Variants in AMZ1 observed in about 807,000 individuals in gnomAD.
The protein encoded by AMZ1 is archaelysin family metallopeptidase 1.
In AMZ1, 39 loss-of-function variants were observed where a neutral mutation model predicts 29.9. The ratio of observed to expected loss-of-function variants is 1.30; its 90% confidence interval spans 1.01 to 1.70. The LOEUF (loss-of-function observed/expected upper bound fraction) is 1.70. Ranked by LOEUF, AMZ1 falls within the 40% of genes most tolerant of loss-of-function variation. AMZ1 has a pLI of 0.00. For missense variants in AMZ1, 1,041 were observed against 680.6 expected (o/e 1.53, Z -5.89); for synonymous variants, 458 against 304.0 (o/e 1.51, Z -5.27).
chr7:2,688,741 C>T (rs551527714), intron 1 of AMZ1, among the ~76,000 whole-genome samples: 1 of 152,198 alleles, frequency 6.6e-6, no homozygotes, highest in African/African-American at 2.4e-5. Context: ...AGAATCTCGT[C>T]GTGCCCAGGG....
chr7:2,737,640 G>C (rs894842623), intron 4 of AMZ1, among the ~76,000 whole-genome samples: 1 of 152,078 alleles, frequency 6.6e-6, no homozygotes, highest in Non-Finnish European at 1.5e-5. Flanking sequence ...TCCTAAAGCG[G>C]GGTCATTCAC....
At position 2,694,671 on chromosome 7, in the gene AMZ1, AT is replaced by A. The variant is rs1562359460; in HGVS notation, c.-218-5559del. Among the ~76,000 whole-genome samples the A allele has an allele frequency of 2.9e-5, 4 of 138,636 alleles. No homozygotes were observed. In the South Asian group the frequency reaches 9.4e-4, roughly 33 times the overall value. The allele number at this position is 138,636 out of a possible 152,430, so 91.0% of individuals were successfully genotyped here. ...TTAAAATCTCATATATATAATATATATTTTATTTATTTTTTTTTTGAGATGG... is the reference window on the plus strand; with the variant it reads ...TTAAAATCTCATATATATAATATATATTTATTTATTTTTTTTTTGAGATGG... On this transcript the variant is annotated intron_variant, in intron 1 of 6. Transcript: ENST00000683327.
At position 2,719,654 on chromosome 7, in the gene AMZ1, C is replaced by T. The variant is rs553607350; in HGVS notation, c.*6776C>T. 1.3e-5 allele frequency among the ~76,000 whole-genome samples: 2 copies of T among 151,500 alleles called. No homozygotes were observed. Among genetic ancestry groups the T allele is most frequent in the South Asian group, 2.1e-4 (1 of 4,808 alleles). On this transcript the variant is annotated 3_prime_UTR_variant, in exon 7 of 7. Transcript: ENST00000683327. ...AATGCTTACATCTTACATTTTCATT[C>T]TCAAAATTAATAAATGCTATCAACC...
chr7:2,709,542 AC>A, intron 5 of AMZ1, 97 bp from the exon 6 acceptor site: 3 of 1,499,560 alleles, frequency 2.0e-6, no homozygotes, highest in Non-Finnish European at 2.7e-6. Flanking sequence ...ATCTGGCCTC[AC>A]CCAGGTCCTC....
chr7:2,739,993 T>C (rs1230669106), intron 4 of AMZ1, among the ~76,000 whole-genome samples: 1 of 152,166 alleles, frequency 6.6e-6, no homozygotes, highest in Non-Finnish European at 1.5e-5. Context: ...AATTCTGTGC[T>C]TAATTTTCTG....
At chr7:2,683,640 G>A (rs1786966650), upstream of AMZ1, among the ~76,000 whole-genome samples, 2 of 151,952 alleles carry the variant, frequency 1.3e-5, no homozygotes, top group African/African-American at 4.8e-5. Context: ...GGGTTTCACC[G>A]TGTTAGCCAG....
upstream of AMZ1, among the ~76,000 whole-genome samples, chr7:2,686,485 G>A (rs1230849972): frequency 3.9e-5 from 6 of 152,088 alleles, no homozygotes; most frequent in Admixed American, 2.0e-4. Context: ...AGTGACTCGC[G>A]TTTATACCAG....
At chr7:2,738,951 C>G (rs1235997759) in intron 4 of AMZ1, among the ~76,000 whole-genome samples, 1 of 152,090 alleles carries the variant, frequency 6.6e-6, no homozygotes, top group Non-Finnish European at 1.5e-5. Flanking sequence ...CTGTGGACAC[C>G]TCGTCTCCAA....
In AMZ1 at chr7:2,712,680, C is replaced by G. The variant is rs142567005; in HGVS notation, c.1299C>G (p.Ala433=). 1 of 1,612,806 alleles carries G rather than the reference C, an allele frequency of 6.2e-7. No individual in the cohort carries two copies. Among genetic ancestry groups the G allele is most frequent in the Non-Finnish European group, 8.5e-7 (1 of 1,179,818 alleles). ...AEEDLVQVDR[A]VDALDRWEMF... is the part of the protein sequence containing the mutation. ...AGGACCTGGTGCAGGTGGACAGAGC[C>G]GTGGACGCCCTCGACCGCTGGGAGA... Residue 433 remains alanine (A), a synonymous_variant, in exon 7 of 7, where the codon GCC becomes GCG. Transcript: ENST00000683327.
chr7:2,738,736 C>A (rs1790340966), intron 4 of AMZ1, among the ~76,000 whole-genome samples: 1 of 152,132 alleles, frequency 6.6e-6, no homozygotes, highest in African/African-American at 2.4e-5. Flanking sequence ...AAAAAACCAA[C>A]CCCTCAAAAT....
At chr7:2,762,937 C>G, upstream of AMZ1, 1 of 1,390,174 alleles carries the variant, frequency 7.2e-7, no homozygotes, top group Non-Finnish European at 9.4e-7. Flanking sequence ...GCCCCAGACA[C>G]TCCCGTGGGG....
rs61742582 is a variant in AMZ1, at chr7:2,712,431, G to A, written c.1050G>A (p.Ser350=). 1.6e-3 allele frequency: 2,527 copies of A among 1,611,798 alleles called. 13 individuals carry two copies. The highest frequency in any genetic ancestry group is 0.015 in the African/African-American group (1,155 of 75,036). ...WEDTPPASAD[S]GMCCESDSEP... ...ACACCCCGCCTGCCAGCGCCGACTC[G>A]GGCATGTGCTGTGAGAGTGACTCGG... Residue 350 remains serine, a synonymous_variant, in exon 7 of 7, where the codon TCG becomes TCA. Transcript: ENST00000683327.
At chr7:2,763,724 T>C (rs756398555), upstream of AMZ1, among the ~76,000 whole-genome samples, 2 of 152,224 alleles carry the variant, frequency 1.3e-5, no homozygotes, top group Non-Finnish European at 2.9e-5. Flanking sequence ...AAGCTTCTTC[T>C]AAATGTGCCT....
intron 4 of AMZ1, among the ~76,000 whole-genome samples, chr7:2,759,140 AAAATAAAT>A (rs3074427): frequency 0.098 from 14,155 of 144,654 alleles, 830 homozygotes; most frequent in Middle Eastern, 0.15. Flanking sequence ...ACACTGTCTC[AAAATAAAT>A]AAATAAATAA....
upstream of AMZ1, among the ~76,000 whole-genome samples, chr7:2,686,386 T>C (rs1787079707): frequency 3.3e-5 from 5 of 152,136 alleles, no homozygotes; most frequent in South Asian, 1.0e-3. Context: ...GTTTCAAAAT[T>C]AGCCAGGTGT....
At chr7:2,723,738 G>A (rs754022515), downstream of AMZ1, among the ~76,000 whole-genome samples, 9 of 151,984 alleles carry the variant, frequency 5.9e-5, no homozygotes, top group South Asian at 2.1e-4. Flanking sequence ...GTCAGGCACC[G>A]CGGCTGTCCC....
At chr7:2,695,013 G>A (rs1054238205) in intron 1 of AMZ1, among the ~76,000 whole-genome samples, 3 of 152,124 alleles carry the variant, frequency 2.0e-5, no homozygotes, top group African/African-American at 7.2e-5. Context: ...GAACCCGTGC[G>A]TTCACCTGCC....
chr7:2,703,508 G>A (rs1788181596), intron 3 of AMZ1, among the ~76,000 whole-genome samples: 2 of 101,422 alleles, frequency 2.0e-5, no homozygotes, highest in East Asian at 2.1e-4. Context: ...TACTTTACAC[G>A]TGCCTAGATC....
In AMZ1 at chr7:2,712,819, G is replaced by A. The variant is rs1229212755; in HGVS notation, c.1438G>A (p.Ala480Thr). Residue 480 changes from alanine to threonine, a missense_variant, in exon 7 of 7, where the codon GCC becomes ACC. By Grantham distance (58) the Ala-to-Thr change is moderately conservative. Transcript: ENST00000683327. ...KFSSLRRKLSARKLARAESAP... is the reference protein window; with the variant it reads ...KFSSLRRKLSTRKLARAESAP... ...CTCCTCCCTGAGGAGGAAGCTGAGT[G>A]CCCGAAAACTCGCCAGAGCAGAGTC... The A allele has an allele frequency of 1.3e-6, 2 of 1,537,400 alleles. No homozygotes were observed. Among genetic ancestry groups the A allele is most frequent in the East Asian group, 4.5e-5 (2 of 44,116 alleles).
Sources: gnomAD v4.1 joint callset for allele counts (sites outside exome capture counted in the v4.1 genomes callset) on GRCh38, gnomAD v4.1.1 for gene constraint, MANE v1.5 for transcripts, NCBI Gene and HGNC (gene_info 2026-07-23, HGNC 2026-07-21) for gene names.